LPIN1: variants seen among roughly 807,000 people sequenced by gnomAD.
LPIN1 encodes the protein lipin 1.
Under a neutral mutation model 107.5 loss-of-function variants are expected in LPIN1, and 71 were observed. The ratio of observed to expected loss-of-function variants is 0.66; its 90% CI spans 0.55 to 0.80. The LOEUF (loss-of-function observed/expected upper bound fraction) is 0.80. Among genes scored for constraint, LPIN1 ranks in the 30% least tolerant of loss-of-function variants. The pLI is 0.00. For missense variants in LPIN1, 1,043 were observed against 1,160.6 expected (o/e 0.90, Z 1.47); for synonymous variants, 445 against 452.6 (o/e 0.98, Z 0.21).
Position 11,779,661 on chromosome 2 carries a change from A to G in LPIN1, c.957+16A>G, listed in dbSNP as rs777503222. 43 of 1,613,628 alleles carry G rather than the reference A, an allele frequency of 2.7e-5. No homozygotes were observed. The highest frequency in any genetic ancestry group is 2.5e-4 in the South Asian group (23 of 91,070). On this transcript the variant is annotated intron_variant, in intron 7 of 20. Coordinates refer to ENST00000674199, the MANE Select transcript of LPIN1 (RefSeq NM_001349206.2). ...GGCTGCTAAGGTGAGAGTCTCTTCA[A>G]TTCTGCCACGGACCGAAGATTTCTA...
Position 11,785,072 on chromosome 2 carries a change from G to T in LPIN1, c.1545G>T (p.Thr515=), listed in dbSNP as rs776917108. 1 of 1,573,446 alleles carries T rather than the reference G, an allele frequency of 6.4e-7. No individual in the cohort carries two copies. Among genetic ancestry groups the T allele is most frequent in the Non-Finnish European group, 8.6e-7 (1 of 1,162,988 alleles). The change falls in exon 10 of 21, where the codon ACG becomes ACT. Residue 515 remains threonine (T), a synonymous_variant. Transcript: ENST00000674199. The stretch of plus-strand genomic sequence containing the variant: ...GCCTCAGCGACCACCGGGAGATCAC[G>T]AAAGGTACCGCGGGCCTCGCGCGGG... The part of the protein sequence containing the change: ...CGGLSDHREI[T]KDAFLEQAVS...
chr2:11,800,163 C>T (rs746342356), intron 14 of LPIN1, among the ~76,000 whole-genome samples: 10 of 152,210 alleles, frequency 6.6e-5, no homozygotes, highest in Non-Finnish European at 8.8e-5. Flanking sequence ...GCTGTGCCAT[C>T]GATGCCTGGC....
chr2:11,764,091 T>TATAC (rs1670365287), intron 1 of LPIN1: 2 of 119,660 alleles, frequency 1.7e-5, no homozygotes, highest in African/African-American at 3.5e-5. Context: ...TATATATATA[T>TATAC]ATATATATAT....
intron 1 of LPIN1, among the ~76,000 whole-genome samples, chr2:11,755,913 T>C (rs1299896363): frequency 2.0e-5 from 3 of 151,828 alleles, no homozygotes; most frequent in African/African-American, 7.3e-5. Flanking sequence ...AGTAGAGACG[T>C]GGTTTCACCG....
intron 20 of LPIN1, 75 bp from the exon 21 acceptor site, chr2:11,824,557 C>G (rs146966975): frequency 3.3e-6 from 5 of 1,496,504 alleles, no homozygotes; most frequent in African/African-American, 1.4e-5. Flanking sequence ...GTAGATCTCT[C>G]TTGACTTCTA....
rs530950682 is a variant in LPIN1, at chr2:11,777,056, A to G, written c.830+863A>G. ...TACTGAAAACTTTGATAAGGCTAATAAATACCTTGTTTATGAACATCAGTC... is the reference window on the plus strand; with the variant it reads ...TACTGAAAACTTTGATAAGGCTAATGAATACCTTGTTTATGAACATCAGTC... On this transcript the variant is annotated intron_variant, in intron 6 of 20. Transcript: ENST00000674199. Among the ~76,000 whole-genome samples the G allele has an allele frequency of 1.8e-4, 28 of 152,354 alleles. No individual in the cohort carries two copies. The South Asian group carries it at 5.6e-3, about 30-fold the overall frequency.
chr2:11,779,577 A>G lies in LPIN1; in HGVS notation c.889A>G (p.Thr297Ala). ...TGATTCAGAATTGGTCAGCAAGTCC[A>G]CGGAAAGGACAGGGCAGAAGAACCC... ...KSDSELVSKS[T>A]ERTGQKNPEM... is the part of the protein sequence containing the mutation. Residue 297 changes from threonine to alanine, a missense_variant, in exon 7 of 21, where the codon ACG becomes GCG. Transcript: ENST00000674199. 6.2e-7 allele frequency: 1 copy of G among 1,614,140 alleles called. No homozygotes were observed. The highest frequency in any genetic ancestry group is 8.5e-7 in the Non-Finnish European group (1 of 1,180,016).
intron 12 of LPIN1, among the ~76,000 whole-genome samples, chr2:11,790,466 C>A (rs1037822454): frequency 6.6e-6 from 1 of 152,216 alleles, no homozygotes; most frequent in Admixed American, 6.5e-5. Context: ...ACCACTAAAG[C>A]ACTTCTTGGC....
chr2:11,775,886 T>C (rs1572745355), intron 5 of LPIN1, among the ~76,000 whole-genome samples, 200 bp from the exon 6 acceptor site: 2 of 147,850 alleles, frequency 1.4e-5, no homozygotes, highest in East Asian at 3.9e-4. Context: ...TAATCTTATA[T>C]ATAATCTTTA....
intron 1 of LPIN1, among the ~76,000 whole-genome samples, chr2:11,755,224 C>T (rs1668483280): frequency 6.6e-6 from 1 of 152,154 alleles, no homozygotes; most frequent in Non-Finnish European, 1.5e-5. Flanking sequence ...GCCTCAGCCT[C>T]CCAAAGTGCT....
chr2:11,700,943 C>A (rs1285269419), intron 1 of LPIN1, among the ~76,000 whole-genome samples: 2 of 152,170 alleles, frequency 1.3e-5, no homozygotes, highest in Non-Finnish European at 1.5e-5. Context: ...GGGCGGGATA[C>A]CTCAGTGGAG....
chr2:11,688,623 G>T (rs1258462742), intron 1 of LPIN1, among the ~76,000 whole-genome samples: 1 of 152,222 alleles, frequency 6.6e-6, no homozygotes, highest in Non-Finnish European at 1.5e-5. Flanking sequence ...GCTGAGACCC[G>T]GGACAGGACG....
chr2:11,788,531 A>G, intron 12 of LPIN1, 75 bp downstream of exon 12: 1 of 1,192,572 alleles, frequency 8.4e-7, no homozygotes, highest in African/African-American at 1.5e-5. Flanking sequence ...TTGGAATTTC[A>G]CTTTTATTTT....
intron 1 of LPIN1, among the ~76,000 whole-genome samples, chr2:11,755,798 T>C (rs1265979608): frequency 2.0e-5 from 3 of 151,610 alleles, no homozygotes; most frequent in Non-Finnish European, 4.4e-5. Context: ...CTCGGCTCAC[T>C]GCAAGCTGCG....
At position 11,786,406 on chromosome 2, in the gene LPIN1, G is replaced by A. The variant is rs1289036339; in HGVS notation, c.1550-668G>A. Among the ~76,000 whole-genome samples the A allele has an allele frequency of 6.6e-6, 1 of 152,098 alleles. No homozygotes were observed. The highest frequency in any genetic ancestry group is 1.9e-4 in the East Asian group (1 of 5,172). On this transcript the variant is annotated intron_variant, in intron 10 of 20. Coordinates refer to ENST00000674199, the MANE Select transcript of LPIN1 (RefSeq NM_001349206.2). The surrounding 1 kb of genome is among the most constrained non-coding windows in gnomAD (Gnocchi z 4.1). ...GTCAGAACCGCGGTCAAGGCTTAAG[G>A]TACAGCCCAGCTGCCAGAGCCCGTC... is the stretch of plus-strand genomic sequence containing the variant.
At chr2:11,689,813 G>A (rs933708752) in intron 1 of LPIN1, among the ~76,000 whole-genome samples, 1 of 152,204 alleles carries the variant, frequency 6.6e-6, no homozygotes, top group African/African-American at 2.4e-5. Flanking sequence ...GCTGAGGAGG[G>A]AGAATCTCTT....
intron 17 of LPIN1, among the ~76,000 whole-genome samples, chr2:11,809,502 C>T (rs1034372547): frequency 3.3e-5 from 5 of 152,050 alleles, no homozygotes; most frequent in Non-Finnish European, 7.4e-5. Flanking sequence ...CTGCAACCTC[C>T]GCCTCCCAGG....
In LPIN1 at chr2:11,697,568, G is replaced by A. The variant is rs990664052; in HGVS notation, c.82-16188G>A. On this transcript the variant is annotated intron_variant, in intron 1 of 21. Transcript: ENST00000449576. The surrounding 1 kb of genome is among the most constrained non-coding windows in gnomAD (Gnocchi z 4.6). The stretch of plus-strand genomic sequence containing the variant: ...GGGTGCCCAGTGCTTGCTGAACCGT[G>A]GTGACCTGCTGACTCCTTCCCTTGC... 1.3e-5 allele frequency among the ~76,000 whole-genome samples: 2 copies of A among 152,208 alleles called. No homozygotes were observed. The highest frequency in any genetic ancestry group is 2.9e-5 in the Non-Finnish European group (2 of 68,040).
chr2:11,678,986 T>C (rs1400764693), intron 1 of LPIN1, among the ~76,000 whole-genome samples: 1 of 152,216 alleles, frequency 6.6e-6, no homozygotes, highest in African/African-American at 2.4e-5. Context: ...CTTTGTCTTG[T>C]TTCCTTTGCT....
Sources: gnomAD v4.1 joint callset for allele counts (sites outside exome capture counted in the v4.1 genomes callset) on GRCh38, gnomAD v4.1.1 for gene constraint, Gnocchi (gnomAD v3.1) non-coding constraint, MANE v1.5 for transcripts, NCBI Gene and HGNC (gene_info 2026-07-23, HGNC 2026-07-21) for gene names.